Variants in RPS6KA5 observed in about 807,000 individuals in gnomAD.
The protein encoded by RPS6KA5 is ribosomal protein S6 kinase A5.
A neutral mutation model predicts 85.5 loss-of-function variants in RPS6KA5; 27 were observed. The observed-to-expected ratio is 0.32, with a 90% CI of 0.23 to 0.44. RPS6KA5 has a LOEUF of 0.44. Ranked by LOEUF, RPS6KA5 falls within the 20% of genes least tolerant of loss-of-function variation. The pLI is 1.00. For synonymous variants in RPS6KA5, 334 were observed against 348.2 expected (o/e 0.96, Z 0.46); for missense variants, 811 against 980.9 (o/e 0.83, Z 2.31).
intron 1 of RPS6KA5, among the ~76,000 whole-genome samples, chr14:91,011,851 G>T (rs75196592): frequency 0.018 from 2,750 of 152,242 alleles, 65 homozygotes; most frequent in African/African-American, 0.064. Flanking sequence ...ACTGCAGTAA[G>T]TAAACCATGG....
intron 2 of RPS6KA5, among the ~76,000 whole-genome samples, chr14:91,000,168 T>A (rs1012738224): frequency 1.3e-5 from 2 of 152,218 alleles, no homozygotes; most frequent in Non-Finnish European, 2.9e-5. Context: ...TATACACATG[T>A]AGATATTTAT....
chr14:90,917,854 A>G (rs545319088), intron 7 of RPS6KA5, among the ~76,000 whole-genome samples: 16 of 152,288 alleles, frequency 1.1e-4, no homozygotes, highest in South Asian at 2.1e-4. Flanking sequence ...ACTACTGCAC[A>G]TGTCTTAGAT....
intron 5 of RPS6KA5, among the ~76,000 whole-genome samples, chr14:90,928,841 A>C (rs2036821338): frequency 6.6e-6 from 1 of 152,012 alleles, no homozygotes; most frequent in Non-Finnish European, 1.5e-5. Flanking sequence ...AACCATTCTA[A>C]ATCCATTTCA....
At position 90,871,591 on chromosome 14, in the gene RPS6KA5, A is replaced by C. The variant is rs1388484016; in HGVS notation, c.*483T>G. On this transcript the variant is annotated 3_prime_UTR_variant, in exon 17 of 17. Coordinates refer to ENST00000614987, the MANE Select transcript of RPS6KA5 (RefSeq NM_004755.4). ...AATAAGTTAAAATCTTCTCTCAAGA[A>C]ATAAGTATATGCCACACATAAAATT... 1 of 152,296 alleles carries C rather than the reference A, an allele frequency of 6.6e-6. No individual in the cohort carries two copies. The highest frequency in any genetic ancestry group is 1.5e-5 in the Non-Finnish European group (1 of 68,096). The allele number at this position is 152,296 out of a possible 1,614,324, so 9.4% of individuals were successfully genotyped here.
chr14:90,857,338 TG>T lies in RPS6KA5; in HGVS notation c.*14735del, dbSNP rs1056574145. 6.6e-6 allele frequency: 1 copy of T among 152,246 alleles called. No homozygotes were observed. Among genetic ancestry groups the T allele is most frequent in the African/African-American group, 2.4e-5 (1 of 41,460 alleles). 9.4% of individuals were successfully genotyped at this position (152,246 alleles called of 1,614,324 possible). The stretch of plus-strand genomic sequence containing the variant: ...AGACAAAGACCACCAAGCCATTTTT[TG>T]GTATCACGAAGCATTTAATAAGTGC... On this transcript the variant is annotated 3_prime_UTR_variant, in exon 17 of 17. Coordinates refer to ENST00000614987, the MANE Select transcript of RPS6KA5 (RefSeq NM_004755.4).
intron 7 of RPS6KA5, among the ~76,000 whole-genome samples, chr14:90,919,914 T>C (rs1180678860): frequency 6.6e-6 from 1 of 152,188 alleles, no homozygotes; most frequent in East Asian, 1.9e-4. Flanking sequence ...TCTCAATATA[T>C]GACGTATCTA....
At chr14:90,889,698 G>C (rs1232755353) in intron 14 of RPS6KA5, among the ~76,000 whole-genome samples, 1 of 152,036 alleles carries the variant, frequency 6.6e-6, no homozygotes, top group Non-Finnish European at 1.5e-5. Context: ...CAAAATACAG[G>C]TATAATATAA....
intron 2 of RPS6KA5, among the ~76,000 whole-genome samples, chr14:90,986,382 C>T (rs1403348588): frequency 6.6e-6 from 1 of 151,788 alleles, no homozygotes; most frequent in Non-Finnish European, 1.5e-5. Flanking sequence ...CTTGGTCATC[C>T]ACCACACTAG....
At chr14:91,059,491 G>A (rs2043524927) in intron 1 of RPS6KA5, among the ~76,000 whole-genome samples, 1 of 152,076 alleles carries the variant, frequency 6.6e-6, no homozygotes, top group African/African-American at 2.4e-5. Flanking sequence ...ACGAGACTGG[G>A]CTCCAAGAAT....
intron 3 of RPS6KA5, among the ~76,000 whole-genome samples, chr14:90,965,336 G>A (rs1384679041): frequency 6.6e-6 from 1 of 152,036 alleles, no homozygotes. Flanking sequence ...ATCGCACCAT[G>A]GCACTACAGC....
At chr14:90,937,961 A>C (rs572615756) in intron 5 of RPS6KA5, among the ~76,000 whole-genome samples, 73 of 152,318 alleles carry the variant, frequency 4.8e-4, no homozygotes, top group African/African-American at 1.7e-3. Context: ...TCAGTCCCAC[A>C]AAGTCTTAAC....
chr14:90,986,214 T>C (rs1404368981), intron 2 of RPS6KA5, among the ~76,000 whole-genome samples: 1 of 152,162 alleles, frequency 6.6e-6, no homozygotes, highest in Non-Finnish European at 1.5e-5. Flanking sequence ...TCAAAAAATA[T>C]ATAATGATTT....
rs1182782902 is a variant in RPS6KA5 at position 90,856,613 on chromosome 14, T to TGAC, written c.*15460_*15461insGTC. 6.6e-6 allele frequency: 1 copy of TGAC among 152,246 alleles called. No homozygotes were observed. The highest frequency in any genetic ancestry group is 6.5e-5 in the Admixed American group (1 of 15,276). The allele number at this position is 152,246 out of a possible 1,614,324, so 9.4% of individuals were successfully genotyped here. A position where few individuals can be genotyped will look rare whatever the true frequency, so the allele number is the denominator to read the frequency against. ...CCTGACCTCAGGTGATCCACCCGTC[T>TGAC]CGGCCTCCCAAAGTGCTGGGATCAC... is the stretch of plus-strand genomic sequence containing the variant. On this transcript the variant is annotated 3_prime_UTR_variant, in exon 17 of 17. Transcript: ENST00000614987.
At chr14:90,897,050 A>G (rs1416139393) in intron 12 of RPS6KA5, among the ~76,000 whole-genome samples, 1 of 152,154 alleles carries the variant, frequency 6.6e-6, no homozygotes, top group African/African-American at 2.4e-5. Flanking sequence ...GGTTTCACGG[A>G]AGGCAATTTT....
At chr14:90,998,653 G>C (rs567527943) in intron 2 of RPS6KA5, among the ~76,000 whole-genome samples, 1 of 152,160 alleles carries the variant, frequency 6.6e-6, no homozygotes, top group African/African-American at 2.4e-5. Flanking sequence ...GAATACAGTG[G>C]GGTAGAGCTT....
chr14:90,923,721 T>C (rs1034106565), intron 5 of RPS6KA5, among the ~76,000 whole-genome samples: 1 of 152,100 alleles, frequency 6.6e-6, no homozygotes, highest in Non-Finnish European at 1.5e-5. Context: ...AATTTTTTTT[T>C]CTACCTTACC....
intron 12 of RPS6KA5, among the ~76,000 whole-genome samples, chr14:90,897,301 T>C (rs1401539951): frequency 6.6e-6 from 1 of 152,174 alleles, no homozygotes; most frequent in Non-Finnish European, 1.5e-5. Flanking sequence ...GGTGACAGCT[T>C]GACTTTAAGC....
At chr14:90,897,366 ATTGTT>A (rs2140217565) in intron 12 of RPS6KA5, among the ~76,000 whole-genome samples, 1 of 152,292 alleles carries the variant, frequency 6.6e-6, no homozygotes, top group Non-Finnish European at 1.5e-5. Context: ...ATAAATTTGT[ATTGTT>A]TTAAGTTTGT....
intron 7 of RPS6KA5, among the ~76,000 whole-genome samples, chr14:90,909,890 C>T (rs557952478): frequency 4.1e-4 from 63 of 152,206 alleles, no homozygotes; most frequent in African/African-American, 1.4e-3. Context: ...ATTATCTTGC[C>T]TCAGCTTCCC....
Sources: gnomAD v4.1 joint callset for allele counts (sites outside exome capture counted in the v4.1 genomes callset) on GRCh38, gnomAD v4.1.1 for gene constraint, MANE v1.5 for transcripts, NCBI Gene and HGNC (gene_info 2026-07-23, HGNC 2026-07-21) for gene names.